CDC14A: variants seen among roughly 807,000 people sequenced by gnomAD.
CDC14A encodes the protein cell division cycle 14A, also known as dual specificity protein phosphatase CDC14A.
Under a neutral mutation model 74.4 loss-of-function variants are expected in CDC14A, and 53 were observed. The observed-to-expected ratio is 0.71, with a 90% CI of 0.57 to 0.89. The LOEUF (loss-of-function observed/expected upper bound fraction) is 0.89. Ranked by LOEUF, CDC14A falls within the 40% of genes least tolerant of loss-of-function variation. The probability of loss-of-function intolerance (pLI) is 0.00; values close to 1 mark genes in which losing one functional copy is unlikely to be tolerated. For synonymous variants in CDC14A, 247 were observed against 258.4 expected (o/e 0.96, Z 0.43); for missense variants, 646 against 713.7 (o/e 0.91, Z 1.08).
At chr1:100,377,683 A>G (rs1655481079) in intron 3 of CDC14A, 62 bp downstream of exon 3, 3 of 1,265,836 alleles carry the variant, frequency 2.4e-6, no homozygotes, top group African/African-American at 3.0e-5. Flanking sequence ...GGATCTGCTC[A>G]GTGGGGTTGG....
In CDC14A at chr1:100,399,854, C is replaced by CAAA. The variant is rs78166292; in HGVS notation, c.309+9042_309+9044dup. 2.7e-4 allele frequency among the ~76,000 whole-genome samples: 33 copies of CAAA among 122,848 alleles called. 1 individual carries two copies. The highest frequency in any genetic ancestry group is 4.7e-4 in the African/African-American group (16 of 34,074). The allele number at this position is 122,848 out of a possible 152,430, so 80.6% of individuals were successfully genotyped here. A position where few individuals can be genotyped will look rare whatever the true frequency, so the allele number is the denominator to read the frequency against. ...CTGCACTCCAGCCCAGACCCTGACT[C>CAAA]AAAAAAAAAAAAAAGATGAAGTCAT... On this transcript the variant is annotated intron_variant, in intron 4 of 15. Transcript: ENST00000336454.
At chr1:100,364,735 A>G (rs1314597147) in intron 2 of CDC14A, among the ~76,000 whole-genome samples, 1 of 152,174 alleles carries the variant, frequency 6.6e-6, no homozygotes, top group Admixed American at 6.5e-5. Flanking sequence ...GTGGGAGTGA[A>G]TTTTAATTTT....
At chr1:100,391,233 A>C (rs562149484) in intron 4 of CDC14A, among the ~76,000 whole-genome samples, 58 of 152,336 alleles carry the variant, frequency 3.8e-4, no homozygotes, top group Non-Finnish European at 7.4e-4. Context: ...CTTAGATTGC[A>C]CAGGGGAGGA....
chr1:100,353,779 A>G lies in CDC14A; in HGVS notation c.67A>G (p.Thr23Ala), dbSNP rs1245377702. Residue 23 changes from threonine (T) to alanine (A), a missense_variant, in exon 2 of 16, where the codon ACT (threonine) becomes GCT (alanine). Physicochemically the swap from Thr to Ala is moderately conservative, Grantham distance 58. Transcript: ENST00000336454. ...EFMKDRLYFA[T>A]LRNRPKSTVN... ...TCTTTCAGATCGGTTATATTTTGCT[A>G]CTTTAAGGAATAGACCAAAAAGCAC... 1 of 1,597,320 alleles carries G rather than the reference A, an allele frequency of 6.3e-7. No individual in the cohort carries two copies.
At chr1:100,439,317 G>T (rs547842254) in intron 5 of CDC14A, among the ~76,000 whole-genome samples, 2 of 152,170 alleles carry the variant, frequency 1.3e-5, no homozygotes, top group East Asian at 3.9e-4. Context: ...TTTAATCCAT[G>T]AAAACACCTG....
chr1:100,436,464 GC>G (rs1664354491), intron 5 of CDC14A, among the ~76,000 whole-genome samples: 1 of 150,988 alleles, frequency 6.6e-6, no homozygotes, highest in Non-Finnish European at 1.5e-5. Flanking sequence ...TCACTCTGTT[GC>G]CCAGACTGGA....
At chr1:100,380,642 C>T (rs1213827645) in intron 3 of CDC14A, among the ~76,000 whole-genome samples, 1 of 152,240 alleles carries the variant, frequency 6.6e-6, no homozygotes, top group South Asian at 2.1e-4. Flanking sequence ...TGGCACCCTG[C>T]TGATGTCTCT....
chr1:100,390,031 C>T (rs1044716314), intron 3 of CDC14A, among the ~76,000 whole-genome samples: 7 of 152,084 alleles, frequency 4.6e-5, no homozygotes, highest in Non-Finnish European at 1.0e-4. Flanking sequence ...AGCATGTGTA[C>T]AACATACCAT....
chr1:100,449,041 C>G (rs1665852038), intron 7 of CDC14A, among the ~76,000 whole-genome samples: 1 of 152,214 alleles, frequency 6.6e-6, no homozygotes, highest in African/African-American at 2.4e-5. Context: ...CCATGACAGG[C>G]TGAAATGTGG....
intron 9 of CDC14A, among the ~76,000 whole-genome samples, chr1:100,464,215 C>G (rs1667582505): frequency 6.6e-6 from 1 of 152,242 alleles, no homozygotes; most frequent in Non-Finnish European, 1.5e-5. Flanking sequence ...GAGCAGGGCT[C>G]CCCATGCCAG....
At chr1:100,393,493 T>C (rs1419188028) in intron 4 of CDC14A, 1 of 768,538 alleles carries the variant, frequency 1.3e-6, no homozygotes. Flanking sequence ...GCAGCCAGTC[T>C]CTCAAATTCA....
chr1:100,347,884 T>C (rs1219435572), upstream of CDC14A, among the ~76,000 whole-genome samples: 1 of 152,220 alleles, frequency 6.6e-6, no homozygotes, highest in Non-Finnish European at 1.5e-5. Flanking sequence ...TGATACATTC[T>C]AATAAGAAAT....
At chr1:100,507,100 T>G (rs924175863) in intron 15 of CDC14A, among the ~76,000 whole-genome samples, 5 of 152,214 alleles carry the variant, frequency 3.3e-5, no homozygotes, top group Non-Finnish European at 7.3e-5. Context: ...AGCCTAGTAT[T>G]TTTTTGGTAG....
chr1:100,366,684 C>G (rs1653675458), intron 2 of CDC14A, among the ~76,000 whole-genome samples: 1 of 152,138 alleles, frequency 6.6e-6, no homozygotes, highest in Non-Finnish European at 1.5e-5. Context: ...AGGAGATGAA[C>G]CTCCTTCCTC....
chr1:100,412,740 T>TATATATAAAA (rs1484826711), intron 4 of CDC14A, among the ~76,000 whole-genome samples: 1 of 99,896 alleles, frequency 1.0e-5, no homozygotes, highest in African/African-American at 6.1e-5. Context: ...TATATATATT[T>TATATATAAAA]TATATATATA....
At chr1:100,502,012 A>G (rs1012677478) in intron 15 of CDC14A, among the ~76,000 whole-genome samples, 2 of 152,250 alleles carry the variant, frequency 1.3e-5, no homozygotes, top group African/African-American at 4.8e-5. Flanking sequence ...GAGTTGATAA[A>G]AACATTAAAA....
chr1:100,459,124 C>CAGAGAGAGAGAG (rs1212963314), intron 8 of CDC14A, among the ~76,000 whole-genome samples: 4 of 146,848 alleles, frequency 2.7e-5, no homozygotes, highest in African/African-American at 1.0e-4. Context: ...CACACACACA[C>CAGAGAGAGAGAG]ACAGAGAGAG....
intron 10 of CDC14A, among the ~76,000 whole-genome samples, chr1:100,478,436 T>C (rs1020239781): frequency 1.3e-5 from 2 of 152,186 alleles, no homozygotes; most frequent in Non-Finnish European, 2.9e-5. Flanking sequence ...ATATCACAGA[T>C]AGATCTATCT....
At chr1:100,393,082 T>A in intron 4 of CDC14A, 1 of 1,438,518 alleles carries the variant, frequency 7.0e-7, no homozygotes, top group Non-Finnish European at 9.8e-7. Flanking sequence ...ATGTTGCTGT[T>A]TAATTTGATA....
Sources: gnomAD v4.1 joint callset for allele counts (sites outside exome capture counted in the v4.1 genomes callset) on GRCh38, gnomAD v4.1.1 for gene constraint, MANE v1.5 for transcripts, NCBI Gene and HGNC (gene_info 2026-07-23, HGNC 2026-07-21) for gene names.